CUX2: variants seen among roughly 807,000 people sequenced by gnomAD.
CUX2 encodes homeobox protein cut-like 2.
Under a neutral mutation model 144.8 loss-of-function variants are expected in CUX2, and 40 were observed. The ratio of observed to expected loss-of-function variants is 0.28; its 90% CI spans 0.21 to 0.36. The LOEUF is 0.36. CUX2 is among the 10% of genes least tolerant of loss of function. CUX2 has a pLI of 1.00. For missense variants in CUX2, 1,615 were observed against 1,994.0 expected, an observed-to-expected ratio of 0.81 and a Z score of 3.62; for synonymous variants, 827 against 875.6, an observed-to-expected ratio of 0.94 and a Z score of 0.98.
rs535004245 is a variant in CUX2, at chr12:111,077,937, T to A, written c.63+43697T>A. 1.1e-4 allele frequency among the ~76,000 whole-genome samples: 16 copies of A among 152,316 alleles called. No individual in the cohort carries two copies. The highest frequency in any genetic ancestry group is 3.6e-4 in the African/African-American group (15 of 41,574). On this transcript the variant is annotated intron_variant, in intron 1 of 21. Transcript: ENST00000261726. The surrounding 1 kb of genome is among the most constrained non-coding windows in gnomAD (Gnocchi z 4.1). ...TGTCAATGAAGAAATTTTTGCTTAA[T>A]GTAACAGCAAGAAAGAAGAGAGGAA... is the stretch of plus-strand genomic sequence containing the variant.
chr12:111,185,208 A>G (rs185757063), intron 1 of CUX2, among the ~76,000 whole-genome samples: 1 of 152,382 alleles, frequency 6.6e-6, no homozygotes, highest in East Asian at 1.9e-4. Flanking sequence ...CTCTGGAGGA[A>G]GAAGACTTTG....
intron 9 of CUX2, among the ~76,000 whole-genome samples, 164 bp downstream of exon 9, chr12:111,298,753 G>A (rs1252211782): frequency 6.6e-6 from 1 of 152,122 alleles, no homozygotes; most frequent in Admixed American, 6.5e-5. Context: ...TGGGCCCCAG[G>A]CCCTGCCCTC....
intron 18 of CUX2, among the ~76,000 whole-genome samples, chr12:111,327,025 A>G (rs1288683288): frequency 1.3e-5 from 2 of 152,180 alleles, no homozygotes; most frequent in Non-Finnish European, 2.9e-5. Flanking sequence ...CCTCTGTCTA[A>G]TTCCAGAATA....
intron 1 of CUX2, among the ~76,000 whole-genome samples, chr12:111,195,910 C>CA (rs1317945973): frequency 6.6e-6 from 1 of 152,152 alleles, no homozygotes; most frequent in Non-Finnish European, 1.5e-5. Flanking sequence ...ATGTACAACA[C>CA]AATCGATTTA....
At chr12:111,060,954 G>A (rs1435849759) in intron 1 of CUX2, among the ~76,000 whole-genome samples, 2 of 152,310 alleles carry the variant, frequency 1.3e-5, no homozygotes, top group African/African-American at 2.4e-5. Context: ...CACAGTTATC[G>A]TCCCTCCAGG....
chr12:111,335,492 C>T (rs925128790), intron 19 of CUX2, among the ~76,000 whole-genome samples: 3 of 151,870 alleles, frequency 2.0e-5, no homozygotes, highest in African/African-American at 7.3e-5. Context: ...AGGCGAATCA[C>T]CTCAGGTCAG....
chr12:111,058,098 C>T (rs1309809011), intron 1 of CUX2, among the ~76,000 whole-genome samples: 3 of 152,150 alleles, frequency 2.0e-5, no homozygotes, highest in East Asian at 1.9e-4. Flanking sequence ...AAACATTATT[C>T]AGGCATTGTG....
At chr12:111,180,864 G>A (rs1159891729) in intron 1 of CUX2, among the ~76,000 whole-genome samples, 1 of 152,234 alleles carries the variant, frequency 6.6e-6, no homozygotes, top group Non-Finnish European at 1.5e-5. Context: ...AACCCTTTCT[G>A]TAAAAATAAC....
At chr12:111,159,059 G>C (rs1042522799) in intron 1 of CUX2, among the ~76,000 whole-genome samples, 5 of 152,192 alleles carry the variant, frequency 3.3e-5, no homozygotes, top group Admixed American at 6.5e-5. Context: ...AAGCCCAGCT[G>C]GTGTTCCGAT....
chr12:111,297,956 A>C (rs1886093413), intron 8 of CUX2, among the ~76,000 whole-genome samples: 1 of 152,142 alleles, frequency 6.6e-6, no homozygotes, highest in South Asian at 2.1e-4. Flanking sequence ...CAGAATGAGG[A>C]GAAGGCCATG....
Position 111,347,584 on chromosome 12 carries a change from A to C in CUX2, c.3720A>C (p.Pro1240=), listed in dbSNP as rs1042884072. 6.2e-7 allele frequency: 1 copy of C among 1,613,390 alleles called. No individual in the cohort carries two copies. Among genetic ancestry groups the C allele is most frequent in the Non-Finnish European group, 8.5e-7 (1 of 1,179,744 alleles). ...EGTQDEPDLD[P]SGGPGILPPG... is the part of the protein sequence containing the mutation. ...CCCAGGATGAGCCAGACCTTGATCC[A>C]AGCGGGGGTCCTGGAATCCTACCGC... Residue 1240 remains proline, a synonymous_variant, in exon 22 of 22, where the codon CCA becomes CCC. Coordinates refer to ENST00000261726, the MANE Select transcript of CUX2 (RefSeq NM_015267.4).
chr12:111,333,062 A>C (rs1407066395), intron 18 of CUX2, among the ~76,000 whole-genome samples: 1 of 152,152 alleles, frequency 6.6e-6, no homozygotes, highest in Non-Finnish European at 1.5e-5. Context: ...ACAAAAAATT[A>C]GCCGGGTGTG....
chr12:111,231,973 G>A (rs1245994307), intron 3 of CUX2, among the ~76,000 whole-genome samples: 1 of 152,108 alleles, frequency 6.6e-6, no homozygotes, highest in Non-Finnish European at 1.5e-5. Flanking sequence ...GGGTGTGGTG[G>A]TGCGCCCCTG....
intron 1 of CUX2, among the ~76,000 whole-genome samples, chr12:111,163,652 C>G (rs867409179): frequency 6.6e-6 from 1 of 152,186 alleles, no homozygotes; most frequent in East Asian, 1.9e-4. Context: ...TACCTTGGCA[C>G]CGTTTGGCTA....
chr12:111,294,849 GT>G (rs1307899517), intron 6 of CUX2, among the ~76,000 whole-genome samples: 1 of 151,962 alleles, frequency 6.6e-6, no homozygotes, highest in East Asian at 1.9e-4. Flanking sequence ...AGTGAGCCGA[GT>G]TCGGGTCACT....
chr12:111,099,370 T>C, intron 1 of CUX2: 1 of 361,230 alleles, frequency 2.8e-6, no homozygotes, highest in Non-Finnish European at 5.5e-6. Flanking sequence ...GGTCTAGGCC[T>C]CTGAGCTCAT....
Position 111,289,035 on chromosome 12 carries a change from A to G in CUX2, c.302-2383A>G, listed in dbSNP as rs899870845. On this transcript the variant is annotated intron_variant, in intron 4 of 21. Coordinates refer to ENST00000261726, the MANE Select transcript of CUX2 (RefSeq NM_015267.4). The surrounding 1 kb of genome is among the most constrained non-coding windows in gnomAD (Gnocchi z 4.1). ...CTACTCGGGAGGCTGAGTCAGGAAC[A>G]TAGCTTGAACATGGGAGGCAGAGAT... Among the ~76,000 whole-genome samples the G allele has an allele frequency of 6.6e-6, 1 of 152,046 alleles. No individual in the cohort carries two copies. Among genetic ancestry groups the G allele is most frequent in the African/African-American group, 2.4e-5 (1 of 41,376 alleles).
intron 2 of CUX2, among the ~76,000 whole-genome samples, chr12:111,215,851 A>G (rs1190991248): frequency 6.6e-6 from 1 of 152,220 alleles, no homozygotes; most frequent in African/African-American, 2.4e-5. Context: ...CCAGGTGATG[A>G]GGGAAATCCA....
At chr12:111,036,369 A>T (rs982008892) in intron 1 of CUX2, among the ~76,000 whole-genome samples, 1 of 152,118 alleles carries the variant, frequency 6.6e-6, no homozygotes, top group Non-Finnish European at 1.5e-5. Flanking sequence ...CCAGGGGGCT[A>T]ATGTCTGAAC....
Sources: gnomAD v4.1 joint callset for allele counts (sites outside exome capture counted in the v4.1 genomes callset) on GRCh38, gnomAD v4.1.1 for gene constraint, Gnocchi (gnomAD v3.1) non-coding constraint, MANE v1.5 for transcripts, NCBI Gene and HGNC (gene_info 2026-07-23, HGNC 2026-07-21) for gene names.